Variants in KIF6 observed in about 807,000 individuals in gnomAD.
KIF6 encodes the protein kinesin family member 6, also known as kinesin-like protein KIF6.
In KIF6, 106 loss-of-function variants were observed where a neutral mutation model predicts 112.7. The observed-to-expected ratio is 0.94, with a 90% CI of 0.80 to 1.11. The LOEUF is 1.11. Among genes scored for constraint, KIF6 ranks in the 50% least tolerant of loss-of-function variants. The pLI is 0.00. For missense variants in KIF6, 929 were observed against 964.0 expected, an observed-to-expected ratio of 0.96 and a Z score of 0.48; for synonymous variants, 339 against 339.9, an observed-to-expected ratio of 1.00 and a Z score of 0.03.
chr6:39,382,259 C>T (rs1247297696), intron 16 of KIF6, among the ~76,000 whole-genome samples: 3 of 152,130 alleles, frequency 2.0e-5, no homozygotes, highest in East Asian at 1.9e-4. Context: ...GTATTGATCT[C>T]GTCACGAAGG....
chr6:39,539,661 GT>G (rs1246559119), intron 13 of KIF6, among the ~76,000 whole-genome samples: 3 of 152,140 alleles, frequency 2.0e-5, no homozygotes, highest in Non-Finnish European at 2.9e-5. Flanking sequence ...TTTTTAAATA[GT>G]TTTCCTGCAG....
At chr6:39,518,101 C>T (rs1368611641) in intron 13 of KIF6, among the ~76,000 whole-genome samples, 1 of 152,194 alleles carries the variant, frequency 6.6e-6, no homozygotes, top group Non-Finnish European at 1.5e-5. Context: ...TAACCTATGA[C>T]TCAGGAAATC....
rs1025737326 is a variant in KIF6 at position 39,360,418 on chromosome 6, C to T, written c.2059G>A (p.Ala687Thr). ...KLQKEFEVWW[A>T]EEATNLQVNS... ...ACCTGCAGGTTGGTGGCCTCCTCTG[C>T]CCACCAGACTTCAAACTCTTTCTGT... The change falls in exon 18 of 23, where the codon GCA (alanine) becomes ACA (threonine). Residue 687 changes from alanine to threonine, a missense_variant. By Grantham distance (58) the Ala-to-Thr change is moderately conservative. Coordinates refer to ENST00000287152, the MANE Select transcript of KIF6 (RefSeq NM_145027.6). The T allele has an allele frequency of 6.2e-7, 1 of 1,614,188 alleles. No individual in the cohort carries two copies. Among genetic ancestry groups the T allele is most frequent in the Non-Finnish European group, 8.5e-7 (1 of 1,180,018 alleles).
At chr6:39,574,162 T>C (rs1780798223) in intron 10 of KIF6, among the ~76,000 whole-genome samples, 1 of 152,234 alleles carries the variant, frequency 6.6e-6, no homozygotes, top group Non-Finnish European at 1.5e-5. Context: ...TTAATTGTTA[T>C]TTGACTGCTA....
Position 39,333,539 on chromosome 6 carries a change from GC to G in KIF6, c.*2992del, listed in dbSNP as rs1562098571. 1.3e-5 allele frequency: 2 copies of G among 152,240 alleles called. No individual in the cohort carries two copies. Among genetic ancestry groups the G allele is most frequent in the Admixed American group, 6.5e-5 (1 of 15,292 alleles). 9.4% of individuals were successfully genotyped at this position (152,240 alleles called of 1,614,324 possible). On this transcript the variant is annotated 3_prime_UTR_variant, in exon 23 of 23. Transcript: ENST00000287152. ...GAGAGATCACTGGAGCAAGAGGCAA[GC>G]TCAACCATGAGAGCACAATTCAAGC...
In KIF6 at chr6:39,421,337, T is replaced by C. The variant is rs574549315; in HGVS notation, c.1755-1334A>G. Among the ~76,000 whole-genome samples the C allele has an allele frequency of 3.3e-5, 5 of 152,342 alleles. No individual in the cohort carries two copies. In the South Asian group the frequency reaches 1.0e-3, roughly 32 times the overall value. On this transcript the variant is annotated intron_variant, in intron 14 of 22. Transcript: ENST00000287152. The stretch of plus-strand genomic sequence containing the variant: ...CAGGATAGTAGAATGAACCCTAACA[T>C]ACCCAGTATCACATTTTATTAATTG...
rs1350645042 is a variant in KIF6 at position 39,346,495 on chromosome 6, T to A, written c.2212A>T (p.Thr738Ser). 1.4e-6 allele frequency: 1 copy of A among 715,386 alleles called. No individual in the cohort carries two copies. Among genetic ancestry groups the A allele is most frequent in the South Asian group, 1.5e-5 (1 of 67,422 alleles). The allele number at this position is 715,386 out of a possible 1,614,324, so 44.3% of individuals were successfully genotyped here. A position where few individuals can be genotyped will look rare whatever the true frequency, so the allele number is the denominator to read the frequency against. Residue 738 changes from threonine (T) to serine (S), a missense_variant, in exon 20 of 23, where the codon ACT (threonine) becomes TCT (serine). Thr to Ser is a moderately conservative substitution (Grantham distance 58). This residue lies in a region of KIF6 where 241 missense variants were observed against 301.4 expected (regional missense o/e 0.80). Transcript: ENST00000287152. ...CCTCACCAGACATCGAATCTGCCAG[T>A]GCCTTGATCTTGGACTTCCCAGCCT... ...SGGWEVQDQG[T>S]GRFDVCDVNA...
At chr6:39,407,281 A>G (rs777025872) in intron 15 of KIF6, among the ~76,000 whole-genome samples, 11 of 152,248 alleles carry the variant, frequency 7.2e-5, no homozygotes, top group Non-Finnish European at 1.0e-4. Flanking sequence ...CTTCAAAAAT[A>G]GACCTGGCTT....
rs758503521 is a variant in KIF6, at chr6:39,639,800, A to G, written c.252-43T>C. On this transcript the variant is annotated intron_variant, in intron 3 of 22. Coordinates refer to ENST00000287152, the MANE Select transcript of KIF6 (RefSeq NM_145027.6). ...CACACTTTCAATATCAACATGGCTA[A>G]CTGCATATGAATTAAATGGCTTGTA... is the stretch of plus-strand genomic sequence containing the variant. 2.6e-6 allele frequency: 4 copies of G among 1,558,018 alleles called. No homozygotes were observed. The Admixed American group carries it at 7.4e-5, about 29-fold the overall frequency.
chr6:39,424,088 C>T (rs1017555254), intron 14 of KIF6, among the ~76,000 whole-genome samples: 16 of 152,184 alleles, frequency 1.1e-4, no homozygotes, highest in African/African-American at 3.9e-4. Context: ...GCTGCCTTCT[C>T]CAGCTTCTTC....
At chr6:39,535,398 G>T (rs2150552617) in intron 13 of KIF6, among the ~76,000 whole-genome samples, 1 of 152,030 alleles carries the variant, frequency 6.6e-6, no homozygotes, top group Non-Finnish European at 1.5e-5. Flanking sequence ...ACAAAAAAAG[G>T]CAGGGGTTGC....
rs1260971751 is a variant in KIF6, at chr6:39,545,666, A to C, written c.1204T>G (p.Phe402Val). 6.2e-7 allele frequency: 1 copy of C among 1,613,190 alleles called. No homozygotes were observed. The highest frequency in any genetic ancestry group is 8.5e-7 in the Non-Finnish European group (1 of 1,179,320). ...LLQLEKLITSFLEDQDSDSRL... is the reference protein window; with the variant it reads ...LLQLEKLITSVLEDQDSDSRL... ...CTGTCTGAATCCTGGTCTTCCAAAA[A>C]GGATGTTATTAGTTTTTCCAGCCTA... The change falls in exon 11 of 23, where the codon TTT (phenylalanine) becomes GTT (valine). Residue 402 changes from phenylalanine to valine, a missense_variant. Phe to Val is a conservative substitution (Grantham distance 50). Around this residue, in one of 2 missense-constraint regions of KIF6, gnomAD observed 688 missense variants for 662.7 expected, o/e 1.04. Coordinates refer to ENST00000287152, the MANE Select transcript of KIF6 (RefSeq NM_145027.6).
chr6:39,583,578 C>A (rs771501560), intron 9 of KIF6: 8 of 434,674 alleles, frequency 1.8e-5, no homozygotes, highest in South Asian at 1.3e-4. Context: ...GACAAACAAT[C>A]AAGAGGAAGT....
chr6:39,420,982 A>G (rs548774229), intron 14 of KIF6, among the ~76,000 whole-genome samples: 1 of 152,348 alleles, frequency 6.6e-6, no homozygotes, highest in Admixed American at 6.5e-5. Flanking sequence ...AGCAGACAGG[A>G]CATGGCCTAT....
At chr6:39,388,037 T>C (rs1420108952) in intron 15 of KIF6, among the ~76,000 whole-genome samples, 3 of 152,150 alleles carry the variant, frequency 2.0e-5, no homozygotes, top group East Asian at 3.9e-4. Flanking sequence ...CTAATGAGCC[T>C]GGACAGTGGC....
chr6:39,599,192 G>C (rs1782447043), intron 6 of KIF6, among the ~76,000 whole-genome samples: 1 of 152,008 alleles, frequency 6.6e-6, no homozygotes, highest in Admixed American at 6.6e-5. Flanking sequence ...AGATACAAGT[G>C]ACAAGTTAGT....
chr6:39,416,478 C>T (rs749011502), intron 15 of KIF6, among the ~76,000 whole-genome samples: 3 of 152,116 alleles, frequency 2.0e-5, no homozygotes, highest in Non-Finnish European at 2.9e-5. Flanking sequence ...AACACAGACT[C>T]TTATTATTTT....
intron 13 of KIF6, among the ~76,000 whole-genome samples, chr6:39,516,717 G>C (rs968363285): frequency 6.6e-6 from 1 of 152,154 alleles, no homozygotes; most frequent in Non-Finnish European, 1.5e-5. Flanking sequence ...TTCTTGCTAA[G>C]CTTTATGGAT....
At chr6:39,387,848 T>C (rs570667632) in intron 15 of KIF6, among the ~76,000 whole-genome samples, 1 of 152,322 alleles carries the variant, frequency 6.6e-6, no homozygotes, top group Admixed American at 6.5e-5. Flanking sequence ...TAAAAGGAGA[T>C]ATTGCTGTGA....
Sources: allele counts gnomAD v4.1 joint callset (sites outside exome capture counted in the v4.1 genomes callset), GRCh38; gene constraint gnomAD v4.1.1; regional missense constraint gnomAD v4.1.1; transcripts MANE v1.5; gene names NCBI Gene and HGNC (gene_info 2026-07-23, HGNC 2026-07-21).